The following BRIX1 variants were observed in gnomAD, a reference collection of about 807,000 sequenced individuals.
BRIX1 encodes biogenesis of ribosomes BRX1, also known as ribosome biogenesis protein BRX1 homolog.
A neutral mutation model predicts 44.0 loss-of-function variants in BRIX1; 15 were observed. The ratio of observed to expected loss-of-function variants is 0.34; its 90% CI spans 0.23 to 0.53. The LOEUF (loss-of-function observed/expected upper bound fraction) is 0.53. Among genes scored for constraint, BRIX1 ranks in the 20% least tolerant of loss-of-function variants. BRIX1 has a pLI of 0.95. For synonymous variants in BRIX1, 149 were observed against 135.4 expected (o/e 1.10, Z -0.70); for missense variants, 420 against 432.8 (o/e 0.97, Z 0.26).
Position 34,925,741 on chromosome 5 carries a change from G to A in BRIX1, c.*246G>A. The A allele has an allele frequency of 2.8e-6, 1 of 361,166 alleles. No homozygotes were observed. Among genetic ancestry groups the A allele is most frequent in the Non-Finnish European group, 4.9e-6 (1 of 204,812 alleles). 22.4% of individuals were successfully genotyped at this position (361,166 alleles called of 1,614,324 possible). A position where few individuals can be genotyped will look rare whatever the true frequency, so the allele number is the denominator to read the frequency against. ...AAATGTAGCACACTTAATGTAGCCT[G>A]TTCTCTTGGGTTGGAATTTTTGGTT... On this transcript the variant is annotated 3_prime_UTR_variant, in exon 10 of 10. Coordinates refer to ENST00000336767, the MANE Select transcript of BRIX1 (RefSeq NM_018321.4).
rs1369043053 is a variant in BRIX1, at chr5:34,925,435, A to G, written c.1002A>G (p.Lys334=). 1.2e-6 allele frequency: 2 copies of G among 1,613,960 alleles called. No homozygotes were observed. ...AAGTTGATTTGAAAGCAAGAAAGAAACGGATTTACAAAAGGCAAAGAAAAA... is the reference window on the plus strand; with the variant it reads ...AAGTTGATTTGAAAGCAAGAAAGAAGCGGATTTACAAAAGGCAAAGAAAAA... ...EPKVDLKARK[K]RIYKRQRKMK... Residue 334 remains lysine (K), a synonymous_variant, in exon 10 of 10, where the codon AAA becomes AAG. Coordinates refer to ENST00000336767, the MANE Select transcript of BRIX1 (RefSeq NM_018321.4).
chr5:34,925,569 T>C lies in BRIX1; in HGVS notation c.*74T>C. Reference sequence around the variant, plus strand: ...ATTCAATGTGTAAATACTTTTATTATCTAATACTATCTTACGTCTAATTAG... The same window carrying C: ...ATTCAATGTGTAAATACTTTTATTACCTAATACTATCTTACGTCTAATTAG... On this transcript the variant is annotated 3_prime_UTR_variant, in exon 10 of 10. Coordinates refer to ENST00000336767, the MANE Select transcript of BRIX1 (RefSeq NM_018321.4). 7.9e-7 allele frequency: 1 copy of C among 1,262,792 alleles called. No homozygotes were observed. The allele number at this position is 1,262,792 out of a possible 1,614,324, so 78.2% of individuals were successfully genotyped here. A position where few individuals can be genotyped will look rare whatever the true frequency, so the allele number is the denominator to read the frequency against.
Position 34,925,209 on chromosome 5 carries a change from T to G in BRIX1, c.793-17T>G. 1.6e-6 allele frequency: 1 copy of G among 634,674 alleles called. No individual in the cohort carries two copies. Among genetic ancestry groups the G allele is most frequent in the Non-Finnish European group, 2.2e-6 (1 of 455,760 alleles). The allele number at this position is 634,674 out of a possible 1,614,324, so 39.3% of individuals were successfully genotyped here. A position where few individuals can be genotyped will look rare whatever the true frequency, so the allele number is the denominator to read the frequency against. ...TTTTTATTTCAAAAGCATCTAATCT[T>G]TTTTTTTTTTTTTTAGCATCGGCGT... On this transcript the variant is annotated splice_polypyrimidine_tract_variant and intron_variant, in intron 9 of 9. Transcript: ENST00000336767.
rs750847802 is a variant in BRIX1, at chr5:34,922,787, G to T, written c.510+19G>T. 1.6e-5 allele frequency: 25 copies of T among 1,605,006 alleles called. No individual in the cohort carries two copies. The East Asian group carries it at 5.6e-4, about 36-fold the overall frequency. Reference sequence around the variant, plus strand: ...TGACCCTGTAAGTTTCTCATTCAGTGTATGAGGTCTAATTTTCTTATCTGG... The same window carrying T: ...TGACCCTGTAAGTTTCTCATTCAGTTTATGAGGTCTAATTTTCTTATCTGG... On this transcript the variant is annotated intron_variant, in intron 6 of 9. Coordinates refer to ENST00000336767, the MANE Select transcript of BRIX1 (RefSeq NM_018321.4).
In BRIX1 at chr5:34,919,896, A is replaced by G. The variant is rs760570643; in HGVS notation, c.315+13A>G. ...TGTGATTAACGAGGTAATTTTGGAAAGTAATTGCAACAAAATATTTTTAAA... is the reference window on the plus strand; with the variant it reads ...TGTGATTAACGAGGTAATTTTGGAAGGTAATTGCAACAAAATATTTTTAAA... On this transcript the variant is annotated intron_variant, in intron 3 of 9. Coordinates refer to ENST00000336767, the MANE Select transcript of BRIX1 (RefSeq NM_018321.4). 2.4e-5 allele frequency: 25 copies of G among 1,035,920 alleles called. No individual in the cohort carries two copies. Among genetic ancestry groups the G allele is most frequent in the Non-Finnish European group, 3.2e-5 (22 of 691,162 alleles). The allele number at this position is 1,035,920 out of a possible 1,614,324, so 64.2% of individuals were successfully genotyped here.
At position 34,925,728 on chromosome 5, in the gene BRIX1, C is replaced by T; in HGVS notation, c.*233C>T. On this transcript the variant is annotated 3_prime_UTR_variant, in exon 10 of 10. Transcript: ENST00000336767. ...TTTGTGTTGCTAAAAATGTAGCACA[C>T]TTAATGTAGCCTGTTCTCTTGGGTT... 2.3e-6 allele frequency: 1 copy of T among 444,054 alleles called. No individual in the cohort carries two copies. The highest frequency in any genetic ancestry group is 4.0e-5 in the East Asian group (1 of 25,020). The allele number at this position is 444,054 out of a possible 1,614,324, so 27.5% of individuals were successfully genotyped here.
At chr5:34,922,318 C>A in intron 4 of BRIX1, 31 bp downstream of exon 4, 1 of 1,341,972 alleles carries the variant, frequency 7.5e-7, no homozygotes, top group Non-Finnish European at 1.1e-6. Flanking sequence ...TTTGGTTAAA[C>A]TCATTTAAGT....
intron 3 of BRIX1, chr5:34,922,004 A>G (rs1764249914): frequency 3.2e-6 from 1 of 313,150 alleles, no homozygotes; most frequent in Non-Finnish European, 5.8e-6. Flanking sequence ...AATTTCACCC[A>G]AGATATGGGC....
In BRIX1 at chr5:34,923,216, A is replaced by G. The variant is rs1378771281; in HGVS notation, c.645A>G (p.Ile215Met). The change falls in exon 8 of 10, where the codon ATA becomes ATG. Residue 215 changes from isoleucine (I) to methionine (M), a missense_variant. Ile to Met is a conservative substitution (Grantham distance 10, BLOSUM62 1). Transcript: ENST00000336767. Reference sequence around the variant, plus strand: ...CTTTCACCATTTTGGATAATAGGATATGGTTTCGGAACTTTCAGGTAAGCT... The same window carrying G: ...CTTTCACCATTTTGGATAATAGGATGTGGTTTCGGAACTTTCAGGTAAGCT... ...VFTFTILDNRIWFRNFQIIEE... is the reference protein window; with the variant it reads ...VFTFTILDNRMWFRNFQIIEE... The G allele has an allele frequency of 9.9e-6, 16 of 1,612,606 alleles. No homozygotes were observed. Among genetic ancestry groups the G allele is most frequent in the Non-Finnish European group, 1.4e-5 (16 of 1,178,774 alleles).
chr5:34,918,989 G>A (rs1764178626), intron 2 of BRIX1: 1 of 151,478 alleles, frequency 6.6e-6, no homozygotes, highest in South Asian at 2.1e-4. Context: ...GGTAGCTCAT[G>A]CCTGTAATCC....
intron 8 of BRIX1, 200 bp downstream of exon 8, chr5:34,923,434 C>G: frequency 1.8e-6 from 1 of 568,022 alleles, no homozygotes; most frequent in East Asian, 2.9e-5. Context: ...CCCATCATCA[C>G]GCCTGGCTAA....
In BRIX1 at chr5:34,918,425, C is replaced by T. The variant is rs763469650; in HGVS notation, c.221C>T (p.Thr74Ile). Reference protein sequence around the residue: ...IFSSRGINFRTRHLMQDLRML... With the variant: ...IFSSRGINFRIRHLMQDLRML... ...TCTTCCAGAGGAATAAATTTTAGAA[C>T]AAGACATTTAATGCAGGACTTGAGA... is the stretch of plus-strand genomic sequence containing the variant. The change falls in exon 2 of 10, where the codon ACA becomes ATA. Residue 74 changes from threonine to isoleucine, a missense_variant. Thr to Ile is a moderately conservative substitution (Grantham distance 89). Transcript: ENST00000336767. 24 of 1,609,926 alleles carry T rather than the reference C, an allele frequency of 1.5e-5. No individual in the cohort carries two copies. The Admixed American group carries it at 2.3e-4, about 16-fold the overall frequency.
rs766379395 is a variant in BRIX1 at position 34,918,385 on chromosome 5, C to T, written c.181C>T (p.Arg61Trp). The T allele has an allele frequency of 7.0e-6, 11 of 1,560,466 alleles. No individual in the cohort carries two copies. Among genetic ancestry groups the T allele is most frequent in the African/African-American group, 5.5e-5 (4 of 73,280 alleles). The change falls in exon 2 of 10, where the codon CGG (arginine) becomes TGG (tryptophan). Residue 61 changes from arginine to tryptophan, a missense_variant. Physicochemically the swap from Arg to Trp is moderately radical, Grantham distance 101. Transcript: ENST00000336767. ...VCKGKWKNKE[R>W]ILIFSSRGIN... is the part of the protein sequence containing the mutation. Reference sequence around the variant, plus strand: ...TTAGGGAAAGTGGAAAAATAAGGAACGGATTCTCATCTTTTCTTCCAGAGG... The same window carrying T: ...TTAGGGAAAGTGGAAAAATAAGGAATGGATTCTCATCTTTTCTTCCAGAGG...
chr5:34,922,850 T>G, intron 6 of BRIX1, 82 bp downstream of exon 6: 2 of 1,385,310 alleles, frequency 1.4e-6, no homozygotes, highest in Non-Finnish European at 2.0e-6. Flanking sequence ...TGTTATTCAA[T>G]TTAGTTTCAC....
At chr5:34,922,956 C>T in intron 6 of BRIX1, 45 bp from the exon 7 acceptor site, 1 of 1,344,908 alleles carries the variant, frequency 7.4e-7, no homozygotes, top group South Asian at 1.2e-5. Flanking sequence ...CAGTTTTAAA[C>T]AAGGCAGTCT....
At chr5:34,921,511 A>T (rs926662519) in intron 3 of BRIX1, 2 of 152,230 alleles carry the variant, frequency 1.3e-5, no homozygotes, top group African/African-American at 4.8e-5. Context: ...GGCTAAGAAG[A>T]TTGATTATGA....
chr5:34,923,114 C>T lies in BRIX1; in HGVS notation c.562-19C>T, dbSNP rs112167196. The T allele has an allele frequency of 6.3e-7, 1 of 1,598,634 alleles. No individual in the cohort carries two copies. Among genetic ancestry groups the T allele is most frequent in the Non-Finnish European group, 8.6e-7 (1 of 1,166,084 alleles). ...GATATATCTTGGAATAAGGAACTAACATACACTTTTTTAACTAGATCTTTA... is the reference window on the plus strand; with the variant it reads ...GATATATCTTGGAATAAGGAACTAATATACACTTTTTTAACTAGATCTTTA... On this transcript the variant is annotated intron_variant, in intron 7 of 9. Transcript: ENST00000336767.
At chr5:34,924,690 GA>G (rs1764314716) in intron 8 of BRIX1, among the ~76,000 whole-genome samples, 156 bp from the exon 9 acceptor site, 1 of 152,124 alleles carries the variant, frequency 6.6e-6, no homozygotes. Flanking sequence ...ATAGATTTCA[GA>G]AAATATTGAT....
intron 6 of BRIX1, 98 bp downstream of exon 6, chr5:34,922,866 C>A (rs1764270622): frequency 7.6e-7 from 1 of 1,316,868 alleles, no homozygotes; most frequent in Non-Finnish European, 1.1e-6. Flanking sequence ...TTCACCCCCA[C>A]CTTGGTTTTA....
Sources: gnomAD v4.1 joint callset for allele counts (sites outside exome capture counted in the v4.1 genomes callset) on GRCh38, gnomAD v4.1.1 for gene constraint, MANE v1.5 for transcripts, NCBI Gene and HGNC (gene_info 2026-07-23, HGNC 2026-07-21) for gene names.